PIK3C3: variants seen among roughly 807,000 people sequenced by gnomAD.
The protein encoded by PIK3C3 is PI3-kinase type 3.
PIK3C3 carries 95 observed loss-of-function variants against 126.1 expected under a neutral mutation model. That is an observed-to-expected ratio of 0.75 (90% CI 0.64 to 0.89). The LOEUF (loss-of-function observed/expected upper bound fraction) is 0.89. PIK3C3 is among the 40% of genes least tolerant of loss of function. PIK3C3 has a pLI of 0.00. For missense variants in PIK3C3, 829 were observed against 1,063.2 expected, an observed-to-expected ratio of 0.78 and a Z score of 3.06; for synonymous variants, 374 against 360.0, an observed-to-expected ratio of 1.04 and a Z score of -0.44.
chr18:42,047,054 A>G (rs1271795602), intron 20 of PIK3C3, among the ~76,000 whole-genome samples: 1 of 152,220 alleles, frequency 6.6e-6, no homozygotes, highest in Non-Finnish European at 1.5e-5. Context: ...AGGATTAAGC[A>G]TAATTCATGT....
chr18:42,079,878 G>A (rs1181990631), intron 24 of PIK3C3, among the ~76,000 whole-genome samples: 4 of 151,708 alleles, frequency 2.6e-5, no homozygotes, highest in Non-Finnish European at 4.4e-5. Context: ...ATTCACCGCC[G>A]CTACCTCCAG....
rs1435049138 is a variant in PIK3C3, at chr18:41,971,770, TA to T, written c.531+1315del. Among the ~76,000 whole-genome samples, 8 of 152,094 alleles carry T rather than the reference TA, an allele frequency of 5.3e-5. No individual in the cohort carries two copies. In the East Asian group the frequency reaches 1.2e-3, roughly 22 times the overall value. ...TAAATTAAAAAAGAATAAAGAATAA[TA>T]TTTTTAAAAAAGCTCTTAAATTGTC... is the stretch of plus-strand genomic sequence containing the variant. On this transcript the variant is annotated intron_variant, in intron 4 of 24. Coordinates refer to ENST00000262039, the MANE Select transcript of PIK3C3 (RefSeq NM_002647.4).
In PIK3C3 at chr18:42,076,197, C is replaced by CACACAT. The variant is rs1555643472; in HGVS notation, c.2650-4925_2650-4924insCACATA. On this transcript the variant is annotated intron_variant, in intron 24 of 24. Transcript: ENST00000262039. ...ATATATGCACATATATATATGCACA[C>CACACAT]ATATATATATGCACATATATATATG... Among the ~76,000 whole-genome samples, 172 of 119,296 alleles carry CACACAT rather than the reference C, an allele frequency of 1.4e-3. 5 individuals carry two copies. Among genetic ancestry groups the CACACAT allele is most frequent in the African/African-American group, 2.2e-3 (61 of 27,202 alleles). 78.3% of individuals were successfully genotyped at this position (119,296 alleles called of 152,430 possible).
intron 2 of PIK3C3, among the ~76,000 whole-genome samples, chr18:41,959,760 C>T (rs1979984215): frequency 6.6e-6 from 1 of 152,064 alleles, no homozygotes; most frequent in African/African-American, 2.4e-5. Context: ...AGCCATTGCA[C>T]TCCAGCCTGG....
chr18:42,039,744 C>G (rs1373147364), intron 18 of PIK3C3, among the ~76,000 whole-genome samples: 1 of 152,186 alleles, frequency 6.6e-6, no homozygotes, highest in Non-Finnish European at 1.5e-5. Context: ...TACACTACTT[C>G]CTTTCATAGT....
At chr18:42,028,491 C>T (rs1983675296) in intron 14 of PIK3C3, among the ~76,000 whole-genome samples, 1 of 152,188 alleles carries the variant, frequency 6.6e-6, no homozygotes, top group South Asian at 2.1e-4. Flanking sequence ...CAGAAATAGT[C>T]TATTTCATGG....
chr18:42,045,724 A>T (rs763149281), intron 20 of PIK3C3, among the ~76,000 whole-genome samples: 1 of 152,170 alleles, frequency 6.6e-6, no homozygotes, highest in Admixed American at 6.5e-5. Context: ...ATATATATAG[A>T]TCCAAGCTCT....
At chr18:42,007,785 G>A (rs1982622338) in intron 10 of PIK3C3, among the ~76,000 whole-genome samples, 1 of 152,186 alleles carries the variant, frequency 6.6e-6, no homozygotes, top group South Asian at 2.1e-4. Context: ...CTGAAAAGCA[G>A]TCTAGTTTTT....
chr18:41,996,033 A>G (rs1982008903), intron 8 of PIK3C3, 39 bp downstream of exon 8: 2 of 1,342,806 alleles, frequency 1.5e-6, no homozygotes, highest in African/African-American at 1.5e-5. Context: ...AAATAGTTAA[A>G]TGGGTGTTCT....
At chr18:41,957,888 A>G (rs1979871682) in intron 2 of PIK3C3, 130 bp downstream of exon 2, 1 of 610,348 alleles carries the variant, frequency 1.6e-6, no homozygotes, top group African/African-American at 1.9e-5. Context: ...AATCATTTGA[A>G]GTAGAAACAT....
Position 42,067,479 on chromosome 18 carries a change from C to A in PIK3C3, c.2615C>A (p.Ala872Asp). The A allele has an allele frequency of 6.2e-7, 1 of 1,614,130 alleles. No individual in the cohort carries two copies. The highest frequency in any genetic ancestry group is 8.5e-7 in the Non-Finnish European group (1 of 1,179,984). The part of the protein sequence containing the change: ...LIDESVHALF[A>D]AVVEQIHKFA... ...GATGAGAGTGTCCATGCTCTTTTTG[C>A]TGCAGTGGTGGAACAGATTCACAAG... is the stretch of plus-strand genomic sequence containing the variant. Residue 872 changes from alanine (A) to aspartate (D), a missense_variant, in exon 24 of 25, where the codon GCT (alanine) becomes GAT (aspartate). Physicochemically the swap from Ala to Asp is moderately radical, Grantham distance 126. Around this residue, in one of 4 missense-constraint regions of PIK3C3, gnomAD observed 196 missense variants for 312.8 expected, o/e 0.63. Transcript: ENST00000262039.
At chr18:42,020,754 A>G (rs1193323936) in intron 13 of PIK3C3, 49 bp downstream of exon 13, 3 of 997,278 alleles carry the variant, frequency 3.0e-6, no homozygotes, top group South Asian at 2.9e-5. Context: ...CTTAAGAATT[A>G]TTTTTTCTCA....
intron 4 of PIK3C3, among the ~76,000 whole-genome samples, chr18:41,972,569 C>T (rs1980721439): frequency 6.6e-6 from 1 of 152,058 alleles, no homozygotes; most frequent in Non-Finnish European, 1.5e-5. Flanking sequence ...TCTTTCATCC[C>T]TAATAGAATT....
intron 20 of PIK3C3, among the ~76,000 whole-genome samples, chr18:42,046,205 T>C (rs1387344903): frequency 6.6e-6 from 1 of 152,236 alleles, no homozygotes; most frequent in Non-Finnish European, 1.5e-5. Context: ...GATTTAATGG[T>C]AGGCCTTCTC....
intron 1 of PIK3C3, among the ~76,000 whole-genome samples, 165 bp from the exon 2 acceptor site, chr18:41,957,405 G>A (rs1348458219): frequency 1.3e-5 from 2 of 152,152 alleles, no homozygotes; most frequent in Non-Finnish European, 2.9e-5. Flanking sequence ...TTCATATACA[G>A]GAAAATGTTG....
intron 1 of PIK3C3, 140 bp from the exon 2 acceptor site, chr18:41,957,430 C>T: frequency 1.4e-6 from 1 of 700,178 alleles, no homozygotes; most frequent in Middle Eastern, 3.1e-4. Flanking sequence ...GGTAGCATAC[C>T]TTAACACAAA....
chr18:42,050,341 A>G (rs573740945), intron 21 of PIK3C3: 1 of 151,754 alleles, frequency 6.6e-6, no homozygotes, highest in Non-Finnish European at 1.5e-5. Context: ...TGTCCTGACA[A>G]CTCTTTAGCC....
chr18:41,983,952 C>CT (rs533824517), intron 4 of PIK3C3, among the ~76,000 whole-genome samples: 4,528 of 139,016 alleles, frequency 0.033, 182 homozygotes, highest in African/African-American at 0.098. Context: ...TAAATTATGC[C>CT]TTTTTTTTTT....
intron 15 of PIK3C3, among the ~76,000 whole-genome samples, chr18:42,032,742 T>C (rs976892783): frequency 2.6e-5 from 4 of 151,950 alleles, no homozygotes; most frequent in African/African-American, 9.7e-5. Context: ...TACTTCACAT[T>C]AGTAGATCTG....
Sources: allele counts gnomAD v4.1 joint callset (sites outside exome capture counted in the v4.1 genomes callset), GRCh38; gene constraint gnomAD v4.1.1; regional missense constraint gnomAD v4.1.1; transcripts MANE v1.5; gene names NCBI Gene and HGNC (gene_info 2026-07-23, HGNC 2026-07-21).